LRRC4C: variants seen among roughly 807,000 people sequenced by gnomAD.
LRRC4C encodes the protein leucine rich repeat containing 4C.
Under a neutral mutation model 33.6 loss-of-function variants are expected in LRRC4C, and 5 were observed. The ratio of observed to expected loss-of-function variants is 0.15; its 90% CI spans 0.08 to 0.31. The LOEUF (loss-of-function observed/expected upper bound fraction) is 0.31. LRRC4C is among the 10% of genes least tolerant of loss of function. The probability of loss-of-function intolerance (pLI) is 1.00; values close to 1 mark genes in which losing one functional copy is unlikely to be tolerated. For missense variants in LRRC4C, 560 were observed against 796.7 expected, an observed-to-expected ratio of 0.70 and a Z score of 3.58; for synonymous variants, 329 against 302.0, an observed-to-expected ratio of 1.09 and a Z score of -0.93.
intron 1 of LRRC4C, among the ~76,000 whole-genome samples, chr11:41,322,488 C>T (rs1950987120): frequency 1.3e-5 from 2 of 151,808 alleles, no homozygotes; most frequent in South Asian, 4.2e-4. Context: ...CAATAGTTTC[C>T]CTGTGGAGAA....
intron 2 of LRRC4C, among the ~76,000 whole-genome samples, chr11:40,811,612 C>T (rs1157660740): frequency 6.6e-6 from 1 of 152,162 alleles, no homozygotes; most frequent in African/African-American, 2.4e-5. Context: ...ATTCTCCTGC[C>T]TCAGCCTTCT....
intron 4 of LRRC4C, among the ~76,000 whole-genome samples, chr11:40,299,467 G>C (rs1944669114): frequency 6.6e-6 from 1 of 152,196 alleles, no homozygotes; most frequent in South Asian, 2.1e-4. Context: ...TGAGAGAAAA[G>C]TTTAAATGAA....
At chr11:40,607,562 CT>C (rs1960757712) in intron 3 of LRRC4C, among the ~76,000 whole-genome samples, 1 of 152,104 alleles carries the variant, frequency 6.6e-6, no homozygotes, top group Admixed American at 6.5e-5. Flanking sequence ...CAGAGAAGAG[CT>C]TGGCTGCTGA....
intron 1 of LRRC4C, among the ~76,000 whole-genome samples, chr11:41,212,737 C>A (rs1946875803): frequency 6.6e-6 from 1 of 152,138 alleles, no homozygotes; most frequent in Admixed American, 6.5e-5. Flanking sequence ...TATGTCCCTG[C>A]AAAGGACATG....
chr11:41,179,170 G>T (rs1245458211), intron 1 of LRRC4C, among the ~76,000 whole-genome samples: 1 of 150,260 alleles, frequency 6.7e-6, no homozygotes, highest in Non-Finnish European at 1.5e-5. Flanking sequence ...AGAAAAGGAA[G>T]CAATCCTCAA....
At chr11:40,632,493 C>T (rs1284814967) in intron 3 of LRRC4C, among the ~76,000 whole-genome samples, 2 of 152,044 alleles carry the variant, frequency 1.3e-5, no homozygotes, top group Non-Finnish European at 2.9e-5. Flanking sequence ...TTTGGAGATA[C>T]CAGAATTAAC....
At chr11:40,142,079 T>G (rs967283201) in intron 5 of LRRC4C, among the ~76,000 whole-genome samples, 1 of 151,866 alleles carries the variant, frequency 6.6e-6, no homozygotes, top group Non-Finnish European at 1.5e-5. Flanking sequence ...TGTCAGGAGT[T>G]CAAGACCAGC....
At chr11:41,232,917 T>A (rs1947863490) in intron 1 of LRRC4C, among the ~76,000 whole-genome samples, 1 of 152,070 alleles carries the variant, frequency 6.6e-6, no homozygotes, top group African/African-American at 2.4e-5. Context: ...CTGCCAATTA[T>A]ATGAGCCTTC....
chr11:40,481,894 G>A (rs1383193606), intron 3 of LRRC4C, among the ~76,000 whole-genome samples: 1 of 152,016 alleles, frequency 6.6e-6, no homozygotes, highest in African/African-American at 2.4e-5. Context: ...TTTCATTATT[G>A]GTGTACCTCG....
chr11:40,746,442 G>T (rs892729524), intron 2 of LRRC4C, among the ~76,000 whole-genome samples: 1 of 152,276 alleles, frequency 6.6e-6, no homozygotes, highest in East Asian at 1.9e-4. Context: ...GAGCACAGGG[G>T]CTGAGGCTCT....
chr11:40,852,374 C>T (rs1953553066), intron 2 of LRRC4C, among the ~76,000 whole-genome samples: 1 of 151,918 alleles, frequency 6.6e-6, no homozygotes, highest in African/African-American at 2.4e-5. Flanking sequence ...TCTGAGCCAC[C>T]AATTGTCTGC....
intron 2 of LRRC4C, among the ~76,000 whole-genome samples, chr11:40,901,928 T>TA (rs2136194646): frequency 6.6e-6 from 1 of 151,686 alleles, no homozygotes; most frequent in Admixed American, 6.6e-5. Context: ...AACTCCCTGG[T>TA]AAGTAAAATG....
intron 1 of LRRC4C, among the ~76,000 whole-genome samples, chr11:41,319,104 C>G (rs568713351): frequency 6.6e-6 from 1 of 152,298 alleles, no homozygotes; most frequent in East Asian, 1.9e-4. Flanking sequence ...GGCCGCTTGT[C>G]TGACAGCATG....
chr11:40,537,130 CA>C (rs1255356721), intron 3 of LRRC4C, among the ~76,000 whole-genome samples: 5 of 152,060 alleles, frequency 3.3e-5, no homozygotes, highest in East Asian at 1.9e-4. Flanking sequence ...CCTTCAATAA[CA>C]AAAAATGGCC....
In LRRC4C at chr11:40,711,676, G is replaced by T. The variant is rs1222873280; in HGVS notation, c.-406-63398C>A. On this transcript the variant is annotated intron_variant, in intron 2 of 6. Coordinates refer to ENST00000528697, the MANE Select transcript of LRRC4C (RefSeq NM_001258419.2). ...GACATGACCTGAATAAAGAACCAGAGAAATCTGTGAATAGAAAAGAAACAT... is the reference window on the plus strand; with the variant it reads ...GACATGACCTGAATAAAGAACCAGATAAATCTGTGAATAGAAAAGAAACAT... 2.1e-5 allele frequency among the ~76,000 whole-genome samples: 3 copies of T among 144,852 alleles called. No homozygotes were observed. In the East Asian group the frequency reaches 6.0e-4, roughly 29 times the overall value.
intron 3 of LRRC4C, among the ~76,000 whole-genome samples, chr11:40,525,126 G>A (rs1472203956): frequency 1.3e-5 from 2 of 152,064 alleles, no homozygotes; most frequent in East Asian, 3.9e-4. Flanking sequence ...ATCAGCATAT[G>A]TGGAACAGAG....
chr11:40,211,277 A>C (rs753703420), intron 5 of LRRC4C, among the ~76,000 whole-genome samples: 1 of 152,220 alleles, frequency 6.6e-6, no homozygotes, highest in Non-Finnish European at 1.5e-5. Flanking sequence ...TGCTTGGCAC[A>C]TAAGAAGATA....
intron 2 of LRRC4C, among the ~76,000 whole-genome samples, chr11:40,818,593 G>C (rs1324651084): frequency 6.6e-6 from 1 of 151,874 alleles, no homozygotes; most frequent in African/African-American, 2.4e-5. Context: ...GGAAAAAAAT[G>C]ATTTACTTCC....
intron 3 of LRRC4C, among the ~76,000 whole-genome samples, chr11:40,620,245 G>A (rs1428471415): frequency 6.6e-6 from 1 of 151,538 alleles, no homozygotes; most frequent in Non-Finnish European, 1.5e-5. Context: ...ATATGTTTAA[G>A]TAAAAATATG....
Sources: gnomAD v4.1 joint callset for allele counts (sites outside exome capture counted in the v4.1 genomes callset) on GRCh38, gnomAD v4.1.1 for gene constraint, MANE v1.5 for transcripts, NCBI Gene and HGNC (gene_info 2026-07-23, HGNC 2026-07-21) for gene names.